LYRM4: variants seen among roughly 807,000 people sequenced by gnomAD.
LYRM4 encodes the protein LYR motif-containing protein 4.
LYRM4 carries 9 observed loss-of-function variants against 11.7 expected under a neutral mutation model. That is an observed-to-expected ratio of 0.77 (90% confidence interval 0.46 to 1.34). LYRM4 has a LOEUF of 1.34. Among genes scored for constraint, LYRM4 ranks in the 40% most tolerant of loss-of-function variants. The pLI is 0.00. For missense variants in LYRM4, 133 were observed against 112.5 expected, an observed-to-expected ratio of 1.18 and a Z score of -0.82; for synonymous variants, 42 against 40.4, an observed-to-expected ratio of 1.04 and a Z score of -0.15.
chr6:5,040,316 A>AATAGATAGATAGATAGATAGATAGATAG, the LYRM4 span, among the ~76,000 whole-genome samples: 2 of 124,984 alleles, frequency 1.6e-5, no homozygotes, highest in African/African-American at 2.9e-5. Flanking sequence ...TATCTCTAAC[A>AATAGATAGATAGATAGATAGATAGATAG]ATAGATAGAT....
At chr6:5,102,394 T>C (rs461144), downstream of LYRM4, among the ~76,000 whole-genome samples, 96,495 of 151,828 alleles carry the variant, frequency 0.64, 31,468 homozygotes, top group East Asian at 0.81. Context: ...GTAAATGAAA[T>C]GCTCCTTTAA....
chr6:5,036,801 C>T, the LYRM4 span, among the ~76,000 whole-genome samples: 1 of 152,190 alleles, frequency 6.6e-6, no homozygotes, highest in African/African-American at 2.4e-5. Flanking sequence ...TGAGAAGACA[C>T]AGTCCACTTT....
intron 2 of LYRM4, among the ~76,000 whole-genome samples, chr6:5,181,402 CT>C (rs1760065835): frequency 6.6e-6 from 1 of 152,204 alleles, no homozygotes; most frequent in South Asian, 2.1e-4. Flanking sequence ...TCAATGATTT[CT>C]TTTGCATTGG....
chr6:5,248,854 C>T (rs1764310405), intron 1 of LYRM4, among the ~76,000 whole-genome samples: 1 of 152,242 alleles, frequency 6.6e-6, no homozygotes, highest in Non-Finnish European at 1.5e-5. Context: ...TTGTTTATCT[C>T]TGCATCCTCA....
At chr6:5,036,525 C>A in the LYRM4 span, among the ~76,000 whole-genome samples, 1 of 152,196 alleles carries the variant, frequency 6.6e-6, no homozygotes, top group African/African-American at 2.4e-5. Context: ...CCACCTCAGC[C>A]CCTGCTTGGC....
At chr6:5,237,826 G>T (rs1365051152) in intron 1 of LYRM4, among the ~76,000 whole-genome samples, 2 of 152,212 alleles carry the variant, frequency 1.3e-5, no homozygotes, top group Non-Finnish European at 2.9e-5. Context: ...AGAAGCACAG[G>T]CCCTTTGAAA....
the LYRM4 span, among the ~76,000 whole-genome samples, chr6:5,098,185 C>T: frequency 6.6e-6 from 1 of 152,180 alleles, no homozygotes; most frequent in Non-Finnish European, 1.5e-5. Context: ...TGCGCTTACA[C>T]ATCCTGCTCC....
At chr6:5,120,063 T>G (rs1763356383) in intron 2 of LYRM4, among the ~76,000 whole-genome samples, 2 of 151,748 alleles carry the variant, frequency 1.3e-5, no homozygotes, top group Admixed American at 1.3e-4. Flanking sequence ...TCTGGCTAAT[T>G]TTTTTGTATT....
At chr6:5,109,513 A>G (rs34691454) in intron 2 of LYRM4, 22 bp from the exon 3 acceptor site, 1 of 1,610,786 alleles carries the variant, frequency 6.2e-7, no homozygotes, top group East Asian at 2.2e-5. Flanking sequence ...GAAAGGACAC[A>G]GGTCAGGAAC....
At chr6:5,206,259 C>G (rs1761691361) in intron 2 of LYRM4, among the ~76,000 whole-genome samples, 1 of 152,210 alleles carries the variant, frequency 6.6e-6, no homozygotes. Context: ...CTGAGCAATC[C>G]TCTTTATCCA....
chr6:5,140,883 C>T (rs1757369640), intron 2 of LYRM4, among the ~76,000 whole-genome samples: 1 of 152,170 alleles, frequency 6.6e-6, no homozygotes, highest in African/African-American at 2.4e-5. Context: ...ATGCCACTTC[C>T]ACCTCCTAAA....
intron 2 of LYRM4, among the ~76,000 whole-genome samples, chr6:5,180,378 T>G (rs933769050): frequency 5.3e-5 from 8 of 152,170 alleles, no homozygotes; most frequent in Admixed American, 5.2e-4. Flanking sequence ...CTGTCAATAT[T>G]CAGTCTGCAT....
At chr6:5,116,353 A>T (rs1763117703) in intron 2 of LYRM4, among the ~76,000 whole-genome samples, 1 of 152,232 alleles carries the variant, frequency 6.6e-6, no homozygotes. Flanking sequence ...ATTACAGAAG[A>T]AGAAGGGGAA....
In LYRM4 at chr6:5,109,512, C is replaced by T. The variant is rs771149553; in HGVS notation, c.208-21G>A. 1.9e-6 allele frequency: 3 copies of T among 1,611,352 alleles called. No homozygotes were observed. In the South Asian group the frequency reaches 3.3e-5, roughly 18 times the overall value. Reference sequence around the variant, plus strand: ...TGGACCTGAAGGCAAAGAAAGGACACAGGTCAGGAACCGTGGCCCTCTAGC... The same window carrying T: ...TGGACCTGAAGGCAAAGAAAGGACATAGGTCAGGAACCGTGGCCCTCTAGC... On this transcript the variant is annotated intron_variant, in intron 2 of 2. Coordinates refer to ENST00000330636, the MANE Select transcript of LYRM4 (RefSeq NM_020408.6).
intron 2 of LYRM4, among the ~76,000 whole-genome samples, chr6:5,159,142 T>C (rs1758597663): frequency 6.6e-6 from 1 of 152,226 alleles, no homozygotes; most frequent in Non-Finnish European, 1.5e-5. Context: ...ACAGCAGCGA[T>C]CGTACTCTTC....
At chr6:5,217,463 A>G (rs1762340268) in intron 1 of LYRM4, among the ~76,000 whole-genome samples, 1 of 152,136 alleles carries the variant, frequency 6.6e-6, no homozygotes, top group Non-Finnish European at 1.5e-5. Context: ...TCCAGCTTCT[A>G]CTGTTTGTGT....
At chr6:5,218,936 G>A (rs1456478404) in intron 1 of LYRM4, among the ~76,000 whole-genome samples, 1 of 152,164 alleles carries the variant, frequency 6.6e-6, no homozygotes, top group African/African-American at 2.4e-5. Flanking sequence ...CTCCTCCAAA[G>A]CAGTTTCTTT....
intron 2 of LYRM4, among the ~76,000 whole-genome samples, chr6:5,212,429 T>G (rs1762031975): frequency 6.6e-6 from 1 of 152,248 alleles, no homozygotes; most frequent in Non-Finnish European, 1.5e-5. Flanking sequence ...TTGGTGCTTC[T>G]TTGCTGCTCA....
intron 2 of LYRM4, among the ~76,000 whole-genome samples, chr6:5,141,005 G>C (rs539094405): frequency 2.0e-5 from 3 of 152,188 alleles, no homozygotes; most frequent in African/African-American, 7.2e-5. Context: ...GCCTCTGTGT[G>C]TGATCATGAC....
Sources: gnomAD v4.1 joint callset for allele counts (sites outside exome capture counted in the v4.1 genomes callset) on GRCh38, gnomAD v4.1.1 for gene constraint, MANE v1.5 for transcripts, NCBI Gene and HGNC (gene_info 2026-07-23, HGNC 2026-07-21) for gene names.